The following NLGN1 variants were observed in gnomAD, a reference collection of about 807,000 sequenced individuals.
NLGN1 encodes the protein neuroligin-1.
Under a neutral mutation model 65.5 loss-of-function variants are expected in NLGN1, and 12 were observed. The ratio of observed to expected loss-of-function variants is 0.18; its 90% CI spans 0.12 to 0.30. The LOEUF (loss-of-function observed/expected upper bound fraction) is 0.30. Among genes scored for constraint, NLGN1 ranks in the 10% least tolerant of loss-of-function variants. The probability of loss-of-function intolerance (pLI) is 1.00; values close to 1 mark genes in which losing one functional copy is unlikely to be tolerated. For synonymous variants in NLGN1, 350 were observed against 359.5 expected (o/e 0.97, Z 0.30); for missense variants, 750 against 1,007.1 (o/e 0.74, Z 3.46).
chr3:173,960,130 G>T (rs1444035936), intron 4 of NLGN1, among the ~76,000 whole-genome samples: 2 of 151,998 alleles, frequency 1.3e-5, no homozygotes, highest in Admixed American at 6.6e-5. Context: ...TAAGACAGAA[G>T]TTTATCTATT....
intron 4 of NLGN1, among the ~76,000 whole-genome samples, chr3:173,944,035 A>G (rs1746667883): frequency 6.6e-6 from 1 of 152,200 alleles, no homozygotes; most frequent in Non-Finnish European, 1.5e-5. Context: ...AGCCAATATT[A>G]GACAAAGAAA....
rs115307144 is a variant in NLGN1, at chr3:173,934,706, T to C, written c.646+126874T>C. The stretch of plus-strand genomic sequence containing the variant: ...TTTTCTTTTATGAGTATTCTCAAAG[T>C]ATTTTCTCAGAAAACCTCTTGATGA... On this transcript the variant is annotated intron_variant, in intron 4 of 6. Coordinates refer to ENST00000457714, the Ensembl canonical transcript of NLGN1. Among the ~76,000 whole-genome samples the C allele has an allele frequency of 3.4e-3, 516 of 152,116 alleles. 1 individual carries two copies. Among genetic ancestry groups the C allele is most frequent in the African/African-American group, 0.012 (490 of 41,558 alleles).
chr3:174,171,452 G>A (rs1000079912), intron 4 of NLGN1, among the ~76,000 whole-genome samples: 6 of 152,074 alleles, frequency 3.9e-5, no homozygotes, highest in African/African-American at 1.4e-4. Context: ...AAAATAAGTA[G>A]TGGCACACTT....
At position 174,119,956 on chromosome 3, in the gene NLGN1, A is replaced by T. The variant is rs576213350; in HGVS notation, c.647-155359A>T. Among the ~76,000 whole-genome samples, 5 of 152,360 alleles carry T rather than the reference A, an allele frequency of 3.3e-5. No individual in the cohort carries two copies. The South Asian group carries it at 1.0e-3, about 32-fold the overall frequency. Reference sequence around the variant, plus strand: ...AGGAGCGCTAAGCTCCCTTTTAAATAATAGCTATATTTTATTAAATACTGC... The same window carrying T: ...AGGAGCGCTAAGCTCCCTTTTAAATTATAGCTATATTTTATTAAATACTGC... On this transcript the variant is annotated intron_variant, in intron 4 of 6. Coordinates refer to ENST00000457714, the Ensembl canonical transcript of NLGN1.
At chr3:173,859,797 A>G (rs1728710433) in intron 4 of NLGN1, among the ~76,000 whole-genome samples, 1 of 151,838 alleles carries the variant, frequency 6.6e-6, no homozygotes, top group South Asian at 2.1e-4. Flanking sequence ...TTTTTTCAAG[A>G]TGTTTTCTTG....
chr3:173,450,493 C>T (rs1243618093), intron 2 of NLGN1, among the ~76,000 whole-genome samples: 1 of 152,134 alleles, frequency 6.6e-6, no homozygotes, highest in East Asian at 1.9e-4. Flanking sequence ...CTGCCCTTAA[C>T]ATTTTTTCCT....
At chr3:173,832,761 T>TAAATAAATTAAATTAAATAAATAA (rs1309505780) in intron 4 of NLGN1, among the ~76,000 whole-genome samples, 2 of 152,194 alleles carry the variant, frequency 1.3e-5, no homozygotes, top group Admixed American at 6.5e-5. Context: ...AATAAATAAA[T>TAAATAAATTAAATTAAATAAATAA]ATATAAAGCC....
chr3:174,039,081 A>T (rs146147365), intron 4 of NLGN1, among the ~76,000 whole-genome samples: 2 of 152,222 alleles, frequency 1.3e-5, no homozygotes, highest in African/African-American at 4.8e-5. Flanking sequence ...CTCTAATTTC[A>T]CTTGAAGTTG....
chr3:173,806,474 C>T (rs189376958), intron 3 of NLGN1, among the ~76,000 whole-genome samples: 7 of 151,868 alleles, frequency 4.6e-5, no homozygotes, highest in East Asian at 1.9e-4. Flanking sequence ...TTAAATTATA[C>T]GTTTTAATAT....
chr3:173,894,142 C>T (rs1430346501), intron 4 of NLGN1, among the ~76,000 whole-genome samples: 1 of 152,080 alleles, frequency 6.6e-6, no homozygotes, highest in Non-Finnish European at 1.5e-5. Context: ...TAGCACTTAT[C>T]ACAGGGTGTT....
At chr3:174,249,520 A>G (rs1744408217) in intron 4 of NLGN1, among the ~76,000 whole-genome samples, 1 of 152,210 alleles carries the variant, frequency 6.6e-6, no homozygotes, top group South Asian at 2.1e-4. Context: ...CCTTTCTTGA[A>G]ATAAGGCTAG....
chr3:173,714,958 C>T (rs1289093509), intron 3 of NLGN1, among the ~76,000 whole-genome samples: 4 of 152,096 alleles, frequency 2.6e-5, no homozygotes, highest in African/African-American at 9.7e-5. Context: ...TAGAAGAGTT[C>T]TCTTCTCTGC....
exon 2 of NLGN1, chr3:173,435,073 G>A (rs1717860930): frequency 6.6e-6 from 1 of 152,650 alleles, no homozygotes; most frequent in African/African-American, 2.4e-5. Flanking sequence ...GCTCACTGGA[G>A]TGGCAGTAAG....
intron 3 of NLGN1, among the ~76,000 whole-genome samples, chr3:173,763,548 GTTTCCT>G (rs1778317747): frequency 6.6e-6 from 1 of 151,960 alleles, no homozygotes; most frequent in African/African-American, 2.4e-5. Context: ...CATTTTTAAT[GTTTCCT>G]AGACCTGTGA....
At chr3:174,002,055 A>T (rs577976134) in intron 4 of NLGN1, among the ~76,000 whole-genome samples, 28 of 101,600 alleles carry the variant, frequency 2.8e-4, no homozygotes, top group Admixed American at 1.3e-3. Context: ...AGACAGATTT[A>T]AAAAAAAAAA....
At chr3:174,159,184 C>T (rs1726037051) in intron 4 of NLGN1, among the ~76,000 whole-genome samples, 1 of 151,614 alleles carries the variant, frequency 6.6e-6, no homozygotes, top group Non-Finnish European at 1.5e-5. Flanking sequence ...AGAAGCAAGA[C>T]TACTTACTCT....
chr3:174,106,927 G>A (rs1162890439), intron 4 of NLGN1, among the ~76,000 whole-genome samples: 2 of 151,078 alleles, frequency 1.3e-5, no homozygotes, highest in South Asian at 4.2e-4. Flanking sequence ...ATACATTAGT[G>A]AGGGTGGATC....
At chr3:174,221,689 C>G (rs1213413765) in intron 4 of NLGN1, among the ~76,000 whole-genome samples, 1 of 151,604 alleles carries the variant, frequency 6.6e-6, no homozygotes, top group East Asian at 1.9e-4. Flanking sequence ...GAAATTTATT[C>G]TCTCAAAGTT....
downstream of NLGN1, among the ~76,000 whole-genome samples, chr3:174,288,576 A>G (rs1224009026): frequency 1.3e-5 from 2 of 151,400 alleles, no homozygotes; most frequent in Non-Finnish European, 3.0e-5. Flanking sequence ...CATATCTTCC[A>G]TGAGTTATTT....
Sources: allele counts gnomAD v4.1 joint callset (sites outside exome capture counted in the v4.1 genomes callset), GRCh38; gene constraint gnomAD v4.1.1; transcripts MANE v1.5; gene names NCBI Gene and HGNC (gene_info 2026-07-23, HGNC 2026-07-21).